The following PALM2AKAP2 variants were observed in gnomAD, a reference collection of about 807,000 sequenced individuals.
The protein encoded by PALM2AKAP2 is PALM2-AKAP2 fusion protein.
A neutral mutation model predicts 71.5 loss-of-function variants in PALM2AKAP2; 37 were observed. That is an observed-to-expected ratio of 0.52 (90% CI 0.40 to 0.68). The LOEUF (loss-of-function observed/expected upper bound fraction) is 0.68. PALM2AKAP2 is among the 30% of genes least tolerant of loss of function. The pLI is 0.00. For missense variants in PALM2AKAP2, 1,224 were observed against 1,191.8 expected, an observed-to-expected ratio of 1.03 and a Z score of -0.40; for synonymous variants, 468 against 478.8, an observed-to-expected ratio of 0.98 and a Z score of 0.29.
intron 1 of PALM2AKAP2, among the ~76,000 whole-genome samples, chr9:109,660,980 T>C (rs1329354977): frequency 6.6e-6 from 1 of 152,222 alleles, no homozygotes; most frequent in Non-Finnish European, 1.5e-5. Context: ...GAGAAGTGTC[T>C]ATTCATATAC....
chr9:109,685,368 T>C (rs2118529797), intron 1 of PALM2AKAP2, among the ~76,000 whole-genome samples: 1 of 152,298 alleles, frequency 6.6e-6, no homozygotes, highest in East Asian at 1.9e-4. Context: ...ATATACACAG[T>C]TATATGTCAG....
intron 5 of PALM2AKAP2, among the ~76,000 whole-genome samples, chr9:109,929,863 CAAAAAAAAAAAAA>C (rs58029417): frequency 1.0e-4 from 7 of 69,428 alleles, no homozygotes; most frequent in East Asian, 3.0e-4. Flanking sequence ...GACTCCATTT[CAAAAAAAAAAAAA>C]AAAAAAAAAA....
intron 6 of PALM2AKAP2, among the ~76,000 whole-genome samples, chr9:109,963,912 G>A (rs949413135): frequency 6.6e-6 from 1 of 152,180 alleles, no homozygotes; most frequent in African/African-American, 2.4e-5. Flanking sequence ...GGGTGTGCAA[G>A]GCCTCTAGAG....
At chr9:109,844,597 T>C (rs1404249631) in intron 1 of PALM2AKAP2, among the ~76,000 whole-genome samples, 1 of 152,224 alleles carries the variant, frequency 6.6e-6, no homozygotes, top group Non-Finnish European at 1.5e-5. Context: ...TTTTTGTAAA[T>C]GTACAATGAT....
chr9:110,132,351 T>G (rs1835753323), intron 1 of PALM2AKAP2, among the ~76,000 whole-genome samples: 1 of 151,158 alleles, frequency 6.6e-6, no homozygotes. Flanking sequence ...TGAGCCACCG[T>G]GCGGGCTTCT....
chr9:109,668,736 C>T (rs1387924921), intron 1 of PALM2AKAP2, among the ~76,000 whole-genome samples: 1 of 152,118 alleles, frequency 6.6e-6, no homozygotes, highest in East Asian at 1.9e-4. Context: ...TGAGGGCTTC[C>T]AGAGAGTGTT....
In PALM2AKAP2 at chr9:110,136,454, T is replaced by A. The variant is rs746313564; in HGVS notation, c.484T>A (p.Tyr162Asn). The A allele has an allele frequency of 3.7e-6, 6 of 1,614,158 alleles. No individual in the cohort carries two copies. The South Asian group carries it at 6.6e-5, about 18-fold the overall frequency. Reference sequence around the variant, plus strand: ...CTGTGATTCTGCTGTGGATGGAACGTACAATGGAACATCCTCCCCAGAGCC... The same window carrying A: ...CTGTGATTCTGCTGTGGATGGAACGAACAATGGAACATCCTCCCCAGAGCC... The change falls in exon 2 of 4, where the codon TAC (tyrosine) becomes AAC (asparagine). Residue 162 changes from tyrosine (Y) to asparagine (N), a missense_variant. By Grantham distance (143) the Tyr-to-Asn change is moderately radical. Transcript: ENST00000374525.
intron 1 of PALM2AKAP2, among the ~76,000 whole-genome samples, chr9:110,091,140 TA>T (rs1292975492): frequency 2.0e-5 from 3 of 152,132 alleles, no homozygotes; most frequent in Non-Finnish European, 4.4e-5. Flanking sequence ...GTGCTTCTCT[TA>T]GAAGTCAAAG....
chr9:109,714,299 C>T (rs1391501227), intron 1 of PALM2AKAP2, among the ~76,000 whole-genome samples: 2 of 152,186 alleles, frequency 1.3e-5, no homozygotes, highest in South Asian at 2.1e-4. Flanking sequence ...TGTCCCTCTA[C>T]TCCCTCCCTT....
chr9:109,722,678 G>T (rs1043281932), intron 1 of PALM2AKAP2, among the ~76,000 whole-genome samples: 3 of 152,108 alleles, frequency 2.0e-5, no homozygotes, highest in Non-Finnish European at 4.4e-5. Flanking sequence ...AGGCTGAGGT[G>T]GGGGGATCAC....
At chr9:109,808,254 A>G (rs768023698) in intron 1 of PALM2AKAP2, among the ~76,000 whole-genome samples, 3 of 152,200 alleles carry the variant, frequency 2.0e-5, no homozygotes, top group Non-Finnish European at 4.4e-5. Flanking sequence ...AACTTCCTAG[A>G]GACTTGTTGA....
chr9:110,048,726 C>T (rs746965383), exon 1 of PALM2AKAP2: 3 of 1,547,146 alleles, frequency 1.9e-6, no homozygotes, highest in East Asian at 4.9e-5. Flanking sequence ...CCGGGGCTGC[C>T]GCTCGCCTTC....
intron 7 of PALM2AKAP2, among the ~76,000 whole-genome samples, chr9:110,035,176 A>G (rs977658045): frequency 1.1e-4 from 16 of 147,648 alleles, no homozygotes; most frequent in Non-Finnish European, 2.1e-4. Flanking sequence ...TACCCAATGT[A>G]CTAAATATAT....
At chr9:110,148,536 C>G (rs1005058594) in intron 2 of PALM2AKAP2, 2 of 152,172 alleles carry the variant, frequency 1.3e-5, no homozygotes, top group African/African-American at 4.8e-5. Context: ...CTGGGGCTGA[C>G]AAGCAGGATG....
chr9:110,028,091 G>T (rs1334949637), intron 7 of PALM2AKAP2, among the ~76,000 whole-genome samples: 4 of 152,140 alleles, frequency 2.6e-5, no homozygotes, highest in Non-Finnish European at 4.4e-5. Context: ...TGAGTAGGAG[G>T]CATATCGGTA....
At chr9:109,941,167 T>C (rs1831354692) in intron 6 of PALM2AKAP2, among the ~76,000 whole-genome samples, 2 of 149,804 alleles carry the variant, frequency 1.3e-5, no homozygotes, top group African/African-American at 2.5e-5. Flanking sequence ...TTTTTTTTTT[T>C]TTAAAGAAAC....
chr9:110,108,622 T>A (rs939045717), intron 1 of PALM2AKAP2, among the ~76,000 whole-genome samples: 2 of 152,162 alleles, frequency 1.3e-5, no homozygotes, highest in African/African-American at 4.8e-5. Flanking sequence ...CCTCATAGAA[T>A]GTTTCAAAAA....
intron 1 of PALM2AKAP2, among the ~76,000 whole-genome samples, chr9:109,706,585 G>A (rs973535706): frequency 2.6e-5 from 4 of 152,102 alleles, no homozygotes; most frequent in African/African-American, 7.2e-5. Flanking sequence ...GCAAACATAC[G>A]TTCACACAAA....
rs1278611453 is a variant in PALM2AKAP2, at chr9:109,920,773, G to A, written c.258-2962G>A. Among the ~76,000 whole-genome samples, 4 of 151,466 alleles carry A rather than the reference G, an allele frequency of 2.6e-5. No homozygotes were observed. In the Admixed American group the frequency reaches 2.6e-4, roughly 10 times the overall value. On this transcript the variant is annotated intron_variant, in intron 3 of 9. Transcript: ENST00000302798. ...AAATCTGCTCAGGCCAGGTGTGGTG[G>A]CTCATGCCTGTAATCACACCTCAAA...
Sources: gnomAD v4.1 joint callset for allele counts (sites outside exome capture counted in the v4.1 genomes callset) on GRCh38, gnomAD v4.1.1 for gene constraint, MANE v1.5 for transcripts, NCBI Gene and HGNC (gene_info 2026-07-23, HGNC 2026-07-21) for gene names.